The following RANBP2 variants were observed in gnomAD, a reference collection of about 807,000 sequenced individuals.
The protein encoded by RANBP2 is E3 SUMO-protein ligase RanBP2.
A neutral mutation model predicts 303.6 loss-of-function variants in RANBP2; 57 were observed. That is an observed-to-expected ratio of 0.19 (90% CI 0.15 to 0.23). The LOEUF (loss-of-function observed/expected upper bound fraction) is 0.23. Among genes scored for constraint, RANBP2 ranks in the 10% least tolerant of loss-of-function variants. The pLI is 1.00. For missense variants in RANBP2, 3,138 were observed against 3,780.8 expected (o/e 0.83, Z 4.46); for synonymous variants, 1,167 against 1,301.5 (o/e 0.90, Z 2.23).
At chr2:109,276,879 A>G in the RANBP2 span, among the ~76,000 whole-genome samples, 6,089 of 148,312 alleles carry the variant, frequency 0.041, 402 homozygotes, top group African/African-American at 0.14. Flanking sequence ...ATTCACATGG[A>G]AAAAAAAATG....
At chr2:109,075,771 A>G in the RANBP2 span, among the ~76,000 whole-genome samples, 1 of 150,614 alleles carries the variant, frequency 6.6e-6, no homozygotes, top group Admixed American at 6.6e-5. Flanking sequence ...AGACTTAATC[A>G]AGAAGCAACA....
the RANBP2 span, among the ~76,000 whole-genome samples, chr2:109,487,767 C>T: frequency 6.6e-6 from 1 of 152,180 alleles, no homozygotes; most frequent in African/African-American, 2.4e-5. Flanking sequence ...TCCCTCTCTA[C>T]TCAGGGGCCA....
the RANBP2 span, among the ~76,000 whole-genome samples, chr2:109,141,310 A>T: frequency 3.3e-5 from 5 of 152,182 alleles, no homozygotes; most frequent in South Asian, 6.2e-4. Flanking sequence ...TGCAGTTGCC[A>T]CTGGCTGGCT....
At chr2:109,675,105 C>A in the RANBP2 span, among the ~76,000 whole-genome samples, 1 of 152,268 alleles carries the variant, frequency 6.6e-6, no homozygotes, top group Middle Eastern at 3.4e-3. Flanking sequence ...GTAAGCTCGA[C>A]CACAGGCATG....
the RANBP2 span, among the ~76,000 whole-genome samples, chr2:109,228,457 G>A: frequency 6.6e-6 from 1 of 152,164 alleles, no homozygotes; most frequent in East Asian, 1.9e-4. Flanking sequence ...TGTGTGTGGG[G>A]TTTTGCCACA....
the RANBP2 span, among the ~76,000 whole-genome samples, chr2:109,411,859 T>C: frequency 6.6e-6 from 1 of 152,318 alleles, no homozygotes; most frequent in African/African-American, 2.4e-5. Flanking sequence ...TACTGTTAAA[T>C]CCCACATATT....
At chr2:109,202,544 C>T in the RANBP2 span, among the ~76,000 whole-genome samples, 1 of 152,186 alleles carries the variant, frequency 6.6e-6, no homozygotes, top group African/African-American at 2.4e-5. Context: ...GCTGCTTTCT[C>T]CTTCCCCTCC....
At chr2:109,678,040 AC>A in the RANBP2 span, among the ~76,000 whole-genome samples, 1 of 152,078 alleles carries the variant, frequency 6.6e-6, no homozygotes, top group South Asian at 2.1e-4. Flanking sequence ...GGGGGGTCGC[AC>A]CCCACCGCCT....
At chr2:109,302,012 C>T in the RANBP2 span, among the ~76,000 whole-genome samples, 1 of 152,362 alleles carries the variant, frequency 6.6e-6, no homozygotes, top group South Asian at 2.1e-4. Context: ...TGACTCAGTT[C>T]TTCTCAGGAA....
At chr2:109,167,872 A>G in the RANBP2 span, among the ~76,000 whole-genome samples, 4 of 152,198 alleles carry the variant, frequency 2.6e-5, no homozygotes, top group African/African-American at 9.6e-5. Context: ...CACCCAGCCT[A>G]GTGTCTGAAT....
the RANBP2 span, among the ~76,000 whole-genome samples, chr2:108,987,960 G>T: frequency 6.6e-6 from 1 of 152,090 alleles, no homozygotes; most frequent in African/African-American, 2.4e-5. Flanking sequence ...GTCTATTATG[G>T]CTCTTCACTT....
At chr2:109,673,401 C>G in the RANBP2 span, among the ~76,000 whole-genome samples, 3 of 152,208 alleles carry the variant, frequency 2.0e-5, no homozygotes, top group African/African-American at 7.2e-5. Context: ...GAAGGTGCCA[C>G]AGACCCCATT....
chr2:109,539,821 A>C, the RANBP2 span, among the ~76,000 whole-genome samples: 1 of 152,226 alleles, frequency 6.6e-6, no homozygotes, highest in African/African-American at 2.4e-5. Flanking sequence ...AGCCTTCTGC[A>C]TCTGGCTTGA....
the RANBP2 span, among the ~76,000 whole-genome samples, chr2:109,465,551 A>G: frequency 4.6e-5 from 7 of 152,180 alleles, no homozygotes; most frequent in Non-Finnish European, 8.8e-5. Context: ...TCTCATTGTT[A>G]TTATACTTTG....
At chr2:108,814,997 G>A in the RANBP2 span, among the ~76,000 whole-genome samples, 3 of 151,766 alleles carry the variant, frequency 2.0e-5, no homozygotes, top group East Asian at 3.9e-4. Flanking sequence ...ATGTGTAGTG[G>A]TATCTTATTA....
chr2:109,731,144 C>T, the RANBP2 span, among the ~76,000 whole-genome samples: 1 of 152,062 alleles, frequency 6.6e-6, no homozygotes, highest in African/African-American at 2.4e-5. Context: ...TCCCTAAATG[C>T]CCCACCTTCT....
chr2:108,987,183 C>T, the RANBP2 span, among the ~76,000 whole-genome samples: 1 of 152,208 alleles, frequency 6.6e-6, no homozygotes, highest in African/African-American at 2.4e-5. Flanking sequence ...AAGCTGGGTT[C>T]CTGGGCATTT....
At chr2:109,679,866 C>G in the RANBP2 span, among the ~76,000 whole-genome samples, 60,996 of 151,900 alleles carry the variant, frequency 0.4, 12,588 homozygotes, top group East Asian at 0.66. Context: ...AAGTTTCCAG[C>G]CAGCTGGAGA....
At chr2:109,196,126 G>A in the RANBP2 span, among the ~76,000 whole-genome samples, 4 of 152,344 alleles carry the variant, frequency 2.6e-5, no homozygotes, top group Middle Eastern at 3.4e-3. Context: ...GACAGAAGCC[G>A]GCAGGCACAC....
Sources: gnomAD v4.1 joint callset for allele counts (sites outside exome capture counted in the v4.1 genomes callset) on GRCh38, gnomAD v4.1.1 for gene constraint, MANE v1.5 for transcripts, NCBI Gene and HGNC (gene_info 2026-07-23, HGNC 2026-07-21) for gene names.